Variants in FOXN3 observed in about 807,000 individuals in gnomAD.
FOXN3 encodes the protein forkhead box protein N3.
FOXN3 carries 7 observed loss-of-function variants against 38.4 expected under a neutral mutation model. That is an observed-to-expected ratio of 0.18 (90% CI 0.10 to 0.34). FOXN3 has a LOEUF of 0.34. Among genes scored for constraint, FOXN3 ranks in the 10% least tolerant of loss-of-function variants. The pLI, the probability that FOXN3 is intolerant of heterozygous loss-of-function variation, is 1.00. For missense variants in FOXN3, 456 were observed against 613.4 expected, an observed-to-expected ratio of 0.74 and a Z score of 2.71; for synonymous variants, 230 against 242.2, an observed-to-expected ratio of 0.95 and a Z score of 0.47.
chr14:89,172,590 A>G (rs1450650528), intron 5 of FOXN3, among the ~76,000 whole-genome samples: 1 of 152,228 alleles, frequency 6.6e-6, no homozygotes, highest in Non-Finnish European at 1.5e-5. Context: ...GTGAGAGAAC[A>G]TGTGCTCCCA....
chr14:89,504,435 G>A (rs916900696), intron 1 of FOXN3, among the ~76,000 whole-genome samples: 1 of 152,206 alleles, frequency 6.6e-6, no homozygotes, highest in Non-Finnish European at 1.5e-5. Flanking sequence ...TGAGCTGGGA[G>A]AACAAAACAA....
intron 1 of FOXN3, among the ~76,000 whole-genome samples, chr14:89,592,713 C>A (rs1263193320): frequency 6.6e-6 from 1 of 152,166 alleles, no homozygotes; most frequent in African/African-American, 2.4e-5. Flanking sequence ...ACCTCCTGTG[C>A]TCACTTAGTA....
chr14:89,316,548 A>G (rs1887724142), intron 3 of FOXN3, among the ~76,000 whole-genome samples: 1 of 145,206 alleles, frequency 6.9e-6, no homozygotes, highest in Non-Finnish European at 1.5e-5. Flanking sequence ...TAATATAGAG[A>G]TGGAGTCTCA....
chr14:89,164,658 T>C lies in FOXN3; in HGVS notation c.852-1689A>G, dbSNP rs1887194680. On this transcript the variant is annotated intron_variant, in intron 5 of 5. Coordinates refer to ENST00000557258, the MANE Select transcript of FOXN3 (RefSeq NM_005197.4). This position sits in a 1 kb window ranked among gnomAD's most constrained non-coding sequence, Gnocchi z 4.3. ...GAAGTGCGGCACAGGTGGAATCACG[T>C]GGCTGAGAGCATGAAGCTTGGGAAA... 1.3e-5 allele frequency among the ~76,000 whole-genome samples: 2 copies of C among 152,206 alleles called. No homozygotes were observed. The highest frequency in any genetic ancestry group is 4.8e-5 in the African/African-American group (2 of 41,456).
chr14:89,249,739 T>A (rs1885399184), intron 4 of FOXN3, among the ~76,000 whole-genome samples: 1 of 152,192 alleles, frequency 6.6e-6, no homozygotes, highest in Non-Finnish European at 1.5e-5. Flanking sequence ...GACACGGTGG[T>A]GTATAGGACT....
At chr14:89,298,732 T>G (rs1887125178) in intron 3 of FOXN3, among the ~76,000 whole-genome samples, 1 of 152,208 alleles carries the variant, frequency 6.6e-6, no homozygotes, top group South Asian at 2.1e-4. Flanking sequence ...ATGAGGACGC[T>G]GTGACAAAAT....
At chr14:89,526,156 C>G (rs544770519) in intron 1 of FOXN3, among the ~76,000 whole-genome samples, 1 of 152,062 alleles carries the variant, frequency 6.6e-6, no homozygotes, top group Admixed American at 6.5e-5. Flanking sequence ...CAAAAAGCAC[C>G]ACAGCTACTA....
intron 4 of FOXN3, among the ~76,000 whole-genome samples, chr14:89,274,415 C>T (rs755601153): frequency 7.2e-5 from 11 of 152,198 alleles, no homozygotes; most frequent in South Asian, 2.1e-4. Flanking sequence ...AAGCTGACTT[C>T]GTATGGAGCA....
chr14:89,363,953 T>TATATATATATATATATATATATATA (rs1889994197), intron 2 of FOXN3, among the ~76,000 whole-genome samples: 1 of 3,464 alleles, frequency 2.9e-4, no homozygotes, highest in Non-Finnish European at 3.4e-3. Context: ...GTAAAATATA[T>TATATATATATATATATATATATATA]ATATATATAT....
chr14:89,198,662 G>A (rs1340994712), intron 4 of FOXN3, among the ~76,000 whole-genome samples: 1 of 152,202 alleles, frequency 6.6e-6, no homozygotes, highest in Non-Finnish European at 1.5e-5. Context: ...GACTGGGTGA[G>A]AGCTGGAGGG....
intron 4 of FOXN3, among the ~76,000 whole-genome samples, chr14:89,199,998 G>A (rs1252683278): frequency 6.6e-6 from 1 of 152,132 alleles, no homozygotes; most frequent in Non-Finnish European, 1.5e-5. Context: ...GGTATCTTAG[G>A]GGGTCCTGGA....
At chr14:89,169,839 C>A (rs1887342288) in intron 5 of FOXN3, among the ~76,000 whole-genome samples, 1 of 151,906 alleles carries the variant, frequency 6.6e-6, no homozygotes, top group Admixed American at 6.6e-5. Context: ...AAAAAAGAAT[C>A]TGAAAAAATA....
chr14:89,583,158 T>C (rs243204), intron 1 of FOXN3, among the ~76,000 whole-genome samples: 32,048 of 152,232 alleles, frequency 0.21, 4,076 homozygotes, highest in East Asian at 0.43. Flanking sequence ...GAGTAGATCA[T>C]ATGGTAGATA....
chr14:89,201,961 G>A (rs139056524), intron 4 of FOXN3, among the ~76,000 whole-genome samples: 214 of 152,272 alleles, frequency 1.4e-3, no homozygotes, highest in Middle Eastern at 0.01. Flanking sequence ...CCACATGCAC[G>A]GCATCTTCAT....
intron 1 of FOXN3, among the ~76,000 whole-genome samples, chr14:89,510,376 A>T (rs1894033062): frequency 1.3e-5 from 2 of 152,220 alleles, no homozygotes; most frequent in Non-Finnish European, 2.9e-5. Flanking sequence ...ACAGCCACAG[A>T]ACCAGAGAAA....
chr14:89,559,321 G>A (rs6575072), intron 1 of FOXN3, among the ~76,000 whole-genome samples: 74,660 of 151,980 alleles, frequency 0.49, 23,101 homozygotes, highest in Non-Finnish European at 0.7. Context: ...TTGTGCTGCA[G>A]TGAGCTTTGA....
intron 1 of FOXN3, among the ~76,000 whole-genome samples, chr14:89,499,022 T>C (rs187016912): frequency 1.3e-5 from 2 of 152,268 alleles, no homozygotes; most frequent in African/African-American, 4.8e-5. Flanking sequence ...CCCATGATGA[T>C]AGAGAGGCAA....
chr14:89,454,924 T>C lies in FOXN3; in HGVS notation c.-14-42434A>G, dbSNP rs188084202. Reference sequence around the variant, plus strand: ...AGAGGGAGTGGGGATATGGTTCCTATATGTTCCAGAGAATAGTGGCTGTTG... The same window carrying C: ...AGAGGGAGTGGGGATATGGTTCCTACATGTTCCAGAGAATAGTGGCTGTTG... On this transcript the variant is annotated intron_variant, in intron 1 of 6. Coordinates refer to the FOXN3 transcript ENST00000345097. Among the ~76,000 whole-genome samples, 493 of 152,332 alleles carry C rather than the reference T, an allele frequency of 3.2e-3. 5 individuals are homozygous for C. The highest frequency in any genetic ancestry group is 0.011 in the African/African-American group (461 of 41,580).
At chr14:89,288,652 CT>C (rs376641304) in intron 3 of FOXN3, among the ~76,000 whole-genome samples, 14,889 of 50,788 alleles carry the variant, frequency 0.29, 3,707 homozygotes, top group East Asian at 0.5. Flanking sequence ...ACTCCAAAGG[CT>C]GTAATAGGCA....
Sources: gnomAD v4.1 joint callset for allele counts (sites outside exome capture counted in the v4.1 genomes callset) on GRCh38, gnomAD v4.1.1 for gene constraint, Gnocchi (gnomAD v3.1) non-coding constraint, MANE v1.5 for transcripts, NCBI Gene and HGNC (gene_info 2026-07-23, HGNC 2026-07-21) for gene names.